Variants in ADAMTSL3 observed in about 807,000 individuals in gnomAD.
ADAMTSL3 encodes the protein ADAMTS like 3.
Under a neutral mutation model 201.7 loss-of-function variants are expected in ADAMTSL3, and 128 were observed. That is an observed-to-expected ratio of 0.63 (90% CI 0.55 to 0.73). ADAMTSL3 has a LOEUF of 0.73. ADAMTSL3 is among the 30% of genes least tolerant of loss of function. ADAMTSL3 has a pLI of 0.00. For missense variants in ADAMTSL3, 1,990 were observed against 2,119.6 expected (o/e 0.94, Z 1.20); for synonymous variants, 738 against 748.4 (o/e 0.99, Z 0.23).
intron 21 of ADAMTSL3, 54 bp from the exon 22 acceptor site, chr15:83,988,637 C>T (rs2067525940): frequency 3.4e-6 from 5 of 1,463,564 alleles, no homozygotes; most frequent in Admixed American, 1.8e-5. Flanking sequence ...TCACTGTAGC[C>T]CTAGGTCAGT....
intron 16 of ADAMTSL3, among the ~76,000 whole-genome samples, chr15:83,923,035 G>GGGGTCAGAC (rs1270852928): frequency 6.6e-6 from 1 of 152,092 alleles, no homozygotes; most frequent in Non-Finnish European, 1.5e-5. Flanking sequence ...CATAGGCTTT[G>GGGGTCAGAC]GGGTCAGACA....
At chr15:83,827,404 G>C (rs1414872070) in intron 6 of ADAMTSL3, among the ~76,000 whole-genome samples, 4 of 152,122 alleles carry the variant, frequency 2.6e-5, no homozygotes, top group African/African-American at 9.7e-5. Context: ...GTAGATTCTG[G>C]ATATTAGCCC....
At chr15:84,016,728 C>G (rs1297654185) in intron 25 of ADAMTSL3, among the ~76,000 whole-genome samples, 3 of 152,166 alleles carry the variant, frequency 2.0e-5, no homozygotes, top group Non-Finnish European at 2.9e-5. Context: ...GAGCTCATAT[C>G]TCAAATGTGC....
At chr15:83,840,906 C>T (rs1185330544) in intron 7 of ADAMTSL3, among the ~76,000 whole-genome samples, 1 of 152,230 alleles carries the variant, frequency 6.6e-6, no homozygotes, top group African/African-American at 2.4e-5. Flanking sequence ...GAACCAGGCA[C>T]CTTTCTCTCT....
chr15:83,959,988 A>G (rs902181592), intron 19 of ADAMTSL3, among the ~76,000 whole-genome samples: 1 of 152,224 alleles, frequency 6.6e-6, no homozygotes, highest in Non-Finnish European at 1.5e-5. Context: ...CCACTTTTAT[A>G]TGAACAAAAG....
intron 2 of ADAMTSL3, among the ~76,000 whole-genome samples, chr15:83,690,407 T>A (rs535991618): frequency 7.9e-5 from 12 of 152,280 alleles, no homozygotes; most frequent in Non-Finnish European, 1.6e-4. Context: ...ACACCGTTCA[T>A]GCAACTTGGA....
At chr15:83,880,781 C>T (rs1596349144) in intron 9 of ADAMTSL3, among the ~76,000 whole-genome samples, 1 of 152,280 alleles carries the variant, frequency 6.6e-6, no homozygotes, top group East Asian at 1.9e-4. Flanking sequence ...TTGCTAGGCC[C>T]CTCCTGCGGG....
At chr15:83,722,609 A>G (rs192588777) in intron 3 of ADAMTSL3, among the ~76,000 whole-genome samples, 5 of 152,342 alleles carry the variant, frequency 3.3e-5, no homozygotes, top group African/African-American at 9.6e-5. Flanking sequence ...AAACATTACA[A>G]ATTTTAAAAC....
intron 7 of ADAMTSL3, 28 bp from the exon 8 acceptor site, chr15:83,858,738 A>G: frequency 1.3e-6 from 2 of 1,586,042 alleles, no homozygotes; most frequent in South Asian, 1.1e-5. Flanking sequence ...TACTGGTTTT[A>G]TTGCAGTTGC....
chr15:83,863,418 T>C (rs2064908588), intron 8 of ADAMTSL3, among the ~76,000 whole-genome samples: 1 of 152,192 alleles, frequency 6.6e-6, no homozygotes, highest in East Asian at 1.9e-4. Flanking sequence ...AAACTGTCTC[T>C]CAGACCACAG....
At chr15:83,816,712 G>A (rs1035638053) in intron 5 of ADAMTSL3, among the ~76,000 whole-genome samples, 2 of 152,204 alleles carry the variant, frequency 1.3e-5, no homozygotes, top group African/African-American at 2.4e-5. Context: ...TTTCAACAGA[G>A]GAAAGTCATC....
chr15:83,990,116 C>A lies in ADAMTSL3; in HGVS notation c.3845-970C>A, dbSNP rs545578995. Among the ~76,000 whole-genome samples the A allele has an allele frequency of 4.6e-5, 7 of 152,310 alleles. No homozygotes were observed. The East Asian group carries it at 1.3e-3, about 29-fold the overall frequency. On this transcript the variant is annotated intron_variant, in intron 22 of 29. Transcript: ENST00000286744. ...AACCACACATTGGGTGAGGGAACTGCAGTTGGAAGAGATCTTCTAACCCAA... is the reference window on the plus strand; with the variant it reads ...AACCACACATTGGGTGAGGGAACTGAAGTTGGAAGAGATCTTCTAACCCAA...
At chr15:83,700,292 C>T (rs190463172) in intron 2 of ADAMTSL3, among the ~76,000 whole-genome samples, 1 of 152,334 alleles carries the variant, frequency 6.6e-6, no homozygotes, top group Non-Finnish European at 1.5e-5. Flanking sequence ...GTTCCTCAAA[C>T]TCACTGACCT....
chr15:84,027,295 C>A (rs1286888847), intron 27 of ADAMTSL3, among the ~76,000 whole-genome samples: 2 of 152,196 alleles, frequency 1.3e-5, no homozygotes, highest in African/African-American at 4.8e-5. Flanking sequence ...ATGGTACAGA[C>A]ACTTTAGAAA....
intron 10 of ADAMTSL3, among the ~76,000 whole-genome samples, chr15:83,888,052 G>A (rs777351765): frequency 6.6e-6 from 1 of 152,198 alleles, no homozygotes; most frequent in African/African-American, 2.4e-5. Flanking sequence ...TTCTTGGGAA[G>A]CAAATAGGTG....
chr15:83,920,809 A>G (rs965929336), intron 16 of ADAMTSL3, among the ~76,000 whole-genome samples: 1 of 152,298 alleles, frequency 6.6e-6, no homozygotes, highest in African/African-American at 2.4e-5. Context: ...TAAATAGTTT[A>G]TATCATAGAA....
chr15:83,673,606 A>G (rs2061356014), intron 2 of ADAMTSL3, among the ~76,000 whole-genome samples: 2 of 152,094 alleles, frequency 1.3e-5, no homozygotes, highest in Admixed American at 1.3e-4. Context: ...AGATGTTAAC[A>G]GTTTTTTTTC....
At chr15:83,994,526 AG>A (rs1352979746) in intron 23 of ADAMTSL3, among the ~76,000 whole-genome samples, 1 of 150,850 alleles carries the variant, frequency 6.6e-6, no homozygotes, top group Non-Finnish European at 1.5e-5. Context: ...AGATCATCAC[AG>A]GTTGAATCCT....
chr15:83,819,986 T>C lies in ADAMTSL3; in HGVS notation c.539T>C (p.Val180Ala). ...TTGGTGGTGGAGCTGGCACCTAAGGTACTGGATGGAACTCGTTGCAACACG... is the reference window on the plus strand; with the variant it reads ...TTGGTGGTGGAGCTGGCACCTAAGGCACTGGATGGAACTCGTTGCAACACG... Reference protein sequence around the residue: ...QNLVVELAPKVLDGTRCNTDS... With the variant: ...QNLVVELAPKALDGTRCNTDS... Residue 180 changes from valine to alanine, a missense_variant, in exon 6 of 30, where the codon GTA becomes GCA. By Grantham distance (64) the Val-to-Ala change is moderately conservative. Transcript: ENST00000286744. 1 of 1,614,126 alleles carries C rather than the reference T, an allele frequency of 6.2e-7. No homozygotes were observed. The highest frequency in any genetic ancestry group is 1.1e-5 in the South Asian group (1 of 91,082).
Sources: gnomAD v4.1 joint callset for allele counts (sites outside exome capture counted in the v4.1 genomes callset) on GRCh38, gnomAD v4.1.1 for gene constraint, MANE v1.5 for transcripts, NCBI Gene and HGNC (gene_info 2026-07-23, HGNC 2026-07-21) for gene names.